Variants in CHM observed in about 807,000 individuals in gnomAD.
CHM encodes the protein CHM Rab escort protein.
CHM carries 10 observed loss-of-function variants against 49.0 expected under a neutral mutation model. That is an observed-to-expected ratio of 0.20 (90% CI 0.13 to 0.35). The LOEUF (loss-of-function observed/expected upper bound fraction) is 0.35, where lower values mean the gene tolerates loss of function less well. CHM is among the 10% of genes least tolerant of loss of function. The pLI is 1.00. For missense variants in CHM, 455 were observed against 478.4 expected, an observed-to-expected ratio of 0.95 and a Z score of 0.46; for synonymous variants, 184 against 167.5, an observed-to-expected ratio of 1.10 and a Z score of -0.76.
chrX:85,952,486 T>C (rs1353817014), intron 8 of CHM, among the ~76,000 whole-genome samples: 1 of 111,277 alleles, frequency 9.0e-6, no homozygotes, highest in Admixed American at 9.6e-5. Flanking sequence ...CCCATTGCCT[T>C]CAAAGGAAGG....
chrX:86,004,035 G>A (rs1474524441), intron 2 of CHM, among the ~76,000 whole-genome samples: 1 of 112,151 alleles, frequency 8.9e-6, no homozygotes, highest in Non-Finnish European at 1.9e-5. Context: ...ACCCACAAAG[G>A]GAAGCCCATC....
intron 4 of CHM, chrX:85,971,320 G>A (rs1257883916): frequency 1.6e-5 from 8 of 510,935 alleles, no homozygotes; most frequent in African/African-American, 5.2e-5. Flanking sequence ...GGACCCGCGC[G>A]GTGAGTGTTA....
intron 9 of CHM, among the ~76,000 whole-genome samples, chrX:85,910,655 T>G (rs1926873966): frequency 9.0e-6 from 1 of 111,558 alleles, no homozygotes; most frequent in South Asian, 3.7e-4. Context: ...TGTAAAAAAT[T>G]TATCCTTAGA....
At chrX:85,903,647 G>A (rs1393650666) in intron 9 of CHM, 2 of 386,078 alleles carry the variant, frequency 5.2e-6, no homozygotes, top group Non-Finnish European at 5.2e-6. Flanking sequence ...AAGCAAATCA[G>A]AATCACACCT....
intron 1 of CHM, among the ~76,000 whole-genome samples, chrX:86,044,508 T>A (rs1945378320): frequency 8.9e-6 from 1 of 111,981 alleles, no homozygotes; most frequent in Non-Finnish European, 1.9e-5. Context: ...AATATTATCA[T>A]ATAGATCTTA....
chrX:86,007,391 A>G (rs1382268908), intron 2 of CHM, among the ~76,000 whole-genome samples: 3 of 112,000 alleles, frequency 2.7e-5, no homozygotes, highest in Non-Finnish European at 5.6e-5. Context: ...AATGGCAACA[A>G]AAGCCAAAAT....
intron 2 of CHM, among the ~76,000 whole-genome samples, chrX:86,014,886 T>C (rs937593145): frequency 9.1e-6 from 1 of 110,372 alleles, no homozygotes; most frequent in Admixed American, 9.6e-5. Flanking sequence ...AGATAAGCAT[T>C]GACTTACAAA....
intron 8 of CHM, among the ~76,000 whole-genome samples, chrX:85,918,433 G>T (rs1927583189): frequency 8.9e-6 from 1 of 111,824 alleles, no homozygotes; most frequent in Non-Finnish European, 1.9e-5. Context: ...AAAGATACTT[G>T]CCAGCAGAAA....
chrX:85,933,377 C>T (rs1928548484), intron 8 of CHM, among the ~76,000 whole-genome samples: 1 of 111,443 alleles, frequency 9.0e-6, no homozygotes, highest in South Asian at 3.8e-4. Flanking sequence ...TTTCCTAATC[C>T]TCATAATAAC....
At chrX:85,997,230 T>C (rs1932480373) in intron 2 of CHM, among the ~76,000 whole-genome samples, 2 of 111,319 alleles carry the variant, frequency 1.8e-5, no homozygotes, top group South Asian at 3.8e-4. Flanking sequence ...ATGATGCCCC[T>C]ATTATTCTTT....
chrX:86,046,278 G>A (rs893000353), intron 1 of CHM, among the ~76,000 whole-genome samples: 5 of 111,789 alleles, frequency 4.5e-5, no homozygotes, highest in Non-Finnish European at 9.4e-5. Context: ...GGATGGAATG[G>A]GCCTTTGGAA....
chrX:85,933,977 A>G (rs1283167829), intron 8 of CHM, among the ~76,000 whole-genome samples: 1 of 110,214 alleles, frequency 9.1e-6, no homozygotes, highest in Non-Finnish European at 1.9e-5. Context: ...GGTTGAAATT[A>G]GCTTTTTTTT....
chrX:85,972,595 G>T (rs1246644833), intron 4 of CHM, among the ~76,000 whole-genome samples: 2 of 113,163 alleles, frequency 1.8e-5, no homozygotes. Context: ...GCAGCCACTG[G>T]CCCGGGTGCT....
At chrX:85,945,661 A>G (rs1333850026) in intron 8 of CHM, among the ~76,000 whole-genome samples, 1 of 109,151 alleles carries the variant, frequency 9.2e-6, no homozygotes, top group Non-Finnish European at 1.9e-5. Flanking sequence ...CGAGTGCAAG[A>G]ACTGACTAAT....
rs772537525 is a variant in CHM at position 85,944,856 on chromosome X, A to C, written c.1166+11297T>G. ...GTATGTTCACTGCAGGACTATTTAC[A>C]ATAGCAAAGATATGGAATCAACCCA... On this transcript the variant is annotated intron_variant, in intron 8 of 14. Transcript: ENST00000357749. Among the ~76,000 whole-genome samples, 11 of 112,209 alleles carry C rather than the reference A, an allele frequency of 9.8e-5. No homozygotes were observed. In the South Asian group the frequency reaches 4.1e-3, roughly 42 times the overall value.
chrX:85,987,524 G>A (rs2147723243), intron 2 of CHM, among the ~76,000 whole-genome samples: 1 of 112,085 alleles, frequency 8.9e-6, no homozygotes, highest in Non-Finnish European at 1.9e-5. Context: ...TTGCAACCAA[G>A]AATGTCAATG....
Position 85,970,441 on chromosome X carries a change from C to T in CHM, c.315-6389G>A, listed in dbSNP as rs769946625. 4.5e-4 allele frequency: 339 copies of T among 751,720 alleles called. 2 individuals are homozygous for T. The highest frequency in any genetic ancestry group is 4.3e-3 in the African/African-American group (187 of 43,310). 62.0% of individuals were successfully genotyped at this position (751,720 alleles called of 1,213,427 possible). On this transcript the variant is annotated intron_variant, in intron 4 of 14. Coordinates refer to ENST00000357749, the MANE Select transcript of CHM (RefSeq NM_000390.4). Reference sequence around the variant, plus strand: ...GAAATACTTAATTCACTTGGTGGAACGGTTGGTTCCCTTGATGTGCATACA... The same window carrying T: ...GAAATACTTAATTCACTTGGTGGAATGGTTGGTTCCCTTGATGTGCATACA...
chrX:85,916,499 T>A (rs1275414994), intron 8 of CHM, among the ~76,000 whole-genome samples: 1 of 111,531 alleles, frequency 9.0e-6, no homozygotes, highest in African/African-American at 3.3e-5. Flanking sequence ...AAAGAAACTA[T>A]CAACAGAGTA....
chrX:85,908,947 C>T (rs7876905), intron 9 of CHM, among the ~76,000 whole-genome samples: 2,894 of 111,475 alleles, frequency 0.026, 115 homozygotes, highest in African/African-American at 0.09. Context: ...TAAGGAAAAG[C>T]CAAGTACTTT....
Sources: allele counts gnomAD v4.1 joint callset (sites outside exome capture counted in the v4.1 genomes callset), GRCh38; gene constraint gnomAD v4.1.1; transcripts MANE v1.5; gene names NCBI Gene and HGNC (gene_info 2026-07-23, HGNC 2026-07-21).